The following ZNRF3 variants were observed in gnomAD, a reference collection of about 807,000 sequenced individuals.
The protein encoded by ZNRF3 is zinc and ring finger 3.
Under a neutral mutation model 72.5 loss-of-function variants are expected in ZNRF3, and 23 were observed. The ratio of observed to expected loss-of-function variants is 0.32; its 90% confidence interval spans 0.23 to 0.45. The LOEUF (loss-of-function observed/expected upper bound fraction) is 0.45, where lower values mean the gene tolerates loss of function less well. ZNRF3 is among the 20% of genes least tolerant of loss of function. ZNRF3 has a pLI of 1.00. For missense variants in ZNRF3, 1,169 were observed against 1,272.1 expected, an observed-to-expected ratio of 0.92 and a Z score of 1.23; for synonymous variants, 610 against 545.3, an observed-to-expected ratio of 1.12 and a Z score of -1.65.
At chr22:28,910,246 G>T (rs2034292474) in intron 1 of ZNRF3, among the ~76,000 whole-genome samples, 1 of 151,984 alleles carries the variant, frequency 6.6e-6, no homozygotes, top group African/African-American at 2.4e-5. Flanking sequence ...TCACCATGTT[G>T]ACCAGATTGG....
chr22:28,894,110 C>T (rs1195083123), intron 1 of ZNRF3, among the ~76,000 whole-genome samples: 1 of 151,978 alleles, frequency 6.6e-6, no homozygotes, highest in Non-Finnish European at 1.5e-5. Flanking sequence ...GCATGCACCA[C>T]CATGCCTGGC....
At chr22:29,031,630 G>C (rs2036759506) in intron 2 of ZNRF3, 8 of 985,278 alleles carry the variant, frequency 8.1e-6, no homozygotes, top group African/African-American at 1.7e-5. Context: ...AAAAAGTGAG[G>C]AGTAAGGATT....
chr22:29,018,092 G>A (rs570464414), intron 2 of ZNRF3: 26 of 517,980 alleles, frequency 5.0e-5, no homozygotes, highest in African/African-American at 3.3e-4. Flanking sequence ...GAGGGCGGAC[G>A]GGCAGACCGG....
rs745324460 is a variant in ZNRF3, at chr22:29,049,793, G to A, written c.1612G>A (p.Val538Met). The A allele has an allele frequency of 2.5e-6, 4 of 1,606,238 alleles. No individual in the cohort carries two copies. In the East Asian group the frequency reaches 8.9e-5, roughly 36 times the overall value. Residue 538 changes from valine to methionine, a missense_variant, in exon 8 of 9, where the codon GTG (valine) becomes ATG (methionine). Around this residue, in one of 2 missense-constraint regions of ZNRF3, gnomAD observed 783 missense variants for 731.4 expected, o/e 1.07. Coordinates refer to ENST00000544604, the MANE Select transcript of ZNRF3 (RefSeq NM_001206998.2). This position sits in a 1 kb window ranked among gnomAD's most constrained non-coding sequence, Gnocchi z 5.2. ...CAGCTGCTATCACGGCCACCGCTCG[G>A]TGTGCAGTGGCTACCTGGCCGACTG... ...SFSCYHGHRSVCSGYLADCPG... is the reference protein window; with the variant it reads ...SFSCYHGHRSMCSGYLADCPG...
chr22:28,952,471 C>T (rs1469069556), intron 1 of ZNRF3, among the ~76,000 whole-genome samples: 1 of 148,872 alleles, frequency 6.7e-6, no homozygotes, highest in African/African-American at 2.5e-5. Context: ...TTTCTTTCAG[C>T]AGAGAGAAGT....
intron 1 of ZNRF3, among the ~76,000 whole-genome samples, chr22:28,951,339 G>A (rs1240994429): frequency 3.9e-5 from 6 of 152,090 alleles, no homozygotes; most frequent in African/African-American, 1.4e-4. Context: ...GGTCGTCAGG[G>A]TGGGCCCTAA....
At chr22:28,986,628 A>G in intron 1 of ZNRF3, 1 of 985,440 alleles carries the variant, frequency 1.0e-6, no homozygotes, top group Non-Finnish European at 1.2e-6. Flanking sequence ...ATGTGTTTCC[A>G]GATCCTCTTG....
intron 2 of ZNRF3, among the ~76,000 whole-genome samples, chr22:29,014,134 A>G (rs2123854722): frequency 6.6e-6 from 1 of 152,080 alleles, no homozygotes; most frequent in African/African-American, 2.4e-5. Context: ...CACACAGCCA[A>G]AGTCACACAG....
chr22:29,026,651 CA>C (rs2036642364), intron 2 of ZNRF3: 2 of 152,174 alleles, frequency 1.3e-5, no homozygotes, highest in South Asian at 4.1e-4. Context: ...GGCCTGGACC[CA>C]AAAGTCAGGA....
chr22:29,013,177 C>G (rs2036373885), intron 2 of ZNRF3, among the ~76,000 whole-genome samples: 1 of 152,212 alleles, frequency 6.6e-6, no homozygotes, highest in African/African-American at 2.4e-5. Context: ...TCAGCTTGCT[C>G]ATGCTGTCTA....
Position 29,053,746 on chromosome 22 carries a change from G to C in ZNRF3, c.*124G>C. ...AAACACACAAAAGTGGTAATAAAGA[G>C]AGCCCTCCTTGTCAACCCAAAATGT... On this transcript the variant is annotated 3_prime_UTR_variant, in exon 9 of 9. Transcript: ENST00000544604. 2 of 989,370 alleles carry C rather than the reference G, an allele frequency of 2.0e-6. No homozygotes were observed. Among genetic ancestry groups the C allele is most frequent in the South Asian group, 1.7e-5 (1 of 57,964 alleles). 61.3% of individuals were successfully genotyped at this position (989,370 alleles called of 1,614,324 possible). A position where few individuals can be genotyped will look rare whatever the true frequency, so the allele number is the denominator to read the frequency against.
intron 5 of ZNRF3, among the ~76,000 whole-genome samples, chr22:29,045,153 G>A (rs1447501990): frequency 1.3e-5 from 2 of 151,998 alleles, no homozygotes; most frequent in Non-Finnish European, 2.9e-5. Flanking sequence ...TTGAGCTCAC[G>A]AGTTCAAGAC....
chr22:29,050,919 A>T lies in ZNRF3; in HGVS notation c.2738A>T (p.Glu913Val). ...NFPSALQDTQ[E>V]SSTTATEAAG... ...CCTAGTGCCCTCCAGGACACTCAGG[A>T]GTCCAGCACCACTGCCACTGAGGCT... is the stretch of plus-strand genomic sequence containing the variant. The change falls in exon 8 of 9, where the codon GAG (glutamate) becomes GTG (valine). Residue 913 changes from glutamate to valine, a missense_variant. Transcript: ENST00000544604. 6.5e-7 allele frequency: 1 copy of T among 1,532,274 alleles called. No homozygotes were observed. The highest frequency in any genetic ancestry group is 8.7e-7 in the Non-Finnish European group (1 of 1,148,294). 94.9% of individuals were successfully genotyped at this position (1,532,274 alleles called of 1,614,324 possible).
chr22:28,953,126 T>C (rs1020953988), intron 1 of ZNRF3, among the ~76,000 whole-genome samples: 1 of 152,196 alleles, frequency 6.6e-6, no homozygotes, highest in Non-Finnish European at 1.5e-5. Context: ...TCTTAGAGTG[T>C]GGATTAGACC....
chr22:28,903,130 G>C (rs2034138735), intron 1 of ZNRF3, among the ~76,000 whole-genome samples: 1 of 152,126 alleles, frequency 6.6e-6, no homozygotes. Context: ...AGTTCCCTCT[G>C]TTTCCTGGGA....
chr22:29,051,659 C>T (rs993695805), intron 8 of ZNRF3, among the ~76,000 whole-genome samples: 5 of 150,662 alleles, frequency 3.3e-5, no homozygotes, highest in African/African-American at 4.9e-5. Flanking sequence ...GTAATCCCTG[C>T]ACTTTGGGAG....
intron 1 of ZNRF3, among the ~76,000 whole-genome samples, chr22:28,919,647 C>T (rs547538064): frequency 2.0e-5 from 3 of 150,710 alleles, no homozygotes; most frequent in Non-Finnish European, 4.4e-5. Context: ...GCTGGGATTA[C>T]AGGCGCGTGC....
intron 1 of ZNRF3, among the ~76,000 whole-genome samples, chr22:28,914,940 T>C (rs1569244142): frequency 6.6e-6 from 1 of 152,184 alleles, no homozygotes; most frequent in African/African-American, 2.4e-5. Flanking sequence ...CTCTGCTGTG[T>C]ATTAATGGTA....
chr22:28,922,451 T>C (rs1016476047), intron 1 of ZNRF3, among the ~76,000 whole-genome samples: 2 of 152,252 alleles, frequency 1.3e-5, no homozygotes, highest in Admixed American at 1.3e-4. Flanking sequence ...TATAACTTTT[T>C]CTCTAAGTAA....
Sources: allele counts gnomAD v4.1 joint callset (sites outside exome capture counted in the v4.1 genomes callset), GRCh38; gene constraint gnomAD v4.1.1; regional missense constraint gnomAD v4.1.1; non-coding constraint Gnocchi (gnomAD v3.1); transcripts MANE v1.5; gene names NCBI Gene and HGNC (gene_info 2026-07-23, HGNC 2026-07-21).